Variants in PARM1 observed in about 807,000 individuals in gnomAD.
PARM1 encodes prostate androgen-regulated mucin-like protein 1, also known as WSC4, cell wall integrity and stress response component 4 homolog.
PARM1 carries 14 observed loss-of-function variants against 24.6 expected under a neutral mutation model. The observed-to-expected ratio is 0.57, with a 90% CI of 0.38 to 0.89. The LOEUF (loss-of-function observed/expected upper bound fraction) is 0.89, where lower values mean the gene tolerates loss of function less well. Ranked by LOEUF, PARM1 falls within the 40% of genes least tolerant of loss-of-function variation. PARM1 has a pLI of 0.00. For synonymous variants in PARM1, 179 were observed against 156.6 expected (o/e 1.14, Z -1.07); for missense variants, 362 against 380.4 (o/e 0.95, Z 0.40).
intron 3 of PARM1, among the ~76,000 whole-genome samples, chr4:75,039,285 A>G (rs1723431500): frequency 6.6e-6 from 1 of 152,122 alleles, no homozygotes; most frequent in Non-Finnish European, 1.5e-5. Context: ...TAATCCCAGC[A>G]ATTTGGGAGG....
chr4:74,997,335 C>T (rs1259168916), intron 1 of PARM1, among the ~76,000 whole-genome samples: 1 of 152,190 alleles, frequency 6.6e-6, no homozygotes, highest in African/African-American at 2.4e-5. Context: ...AAAAAGTTCT[C>T]TCTCTCTGAT....
chr4:75,014,137 C>A (rs1340856463), intron 2 of PARM1, among the ~76,000 whole-genome samples: 3 of 152,116 alleles, frequency 2.0e-5, no homozygotes, highest in African/African-American at 7.2e-5. Flanking sequence ...AAGGAATGGC[C>A]ATCACTGAGG....
Position 75,009,651 on chromosome 4 carries a change from A to G in PARM1, c.44-2774A>G, listed in dbSNP as rs369793378. Among the ~76,000 whole-genome samples the G allele has an allele frequency of 2.9e-4, 44 of 152,320 alleles. 1 individual carries two copies. The highest frequency in any genetic ancestry group is 8.7e-4 in the African/African-American group (36 of 41,576). On this transcript the variant is annotated intron_variant, in intron 1 of 3. Transcript: ENST00000307428. Reference sequence around the variant, plus strand: ...GGAAGCCATGATGGATGTGGCCATAACTAAAGTGACATGTGGAAAAGAGTG... The same window carrying G: ...GGAAGCCATGATGGATGTGGCCATAGCTAAAGTGACATGTGGAAAAGAGTG...
intron 2 of PARM1, among the ~76,000 whole-genome samples, chr4:75,022,477 A>C (rs1172416987): frequency 1.3e-5 from 2 of 152,188 alleles, no homozygotes; most frequent in Non-Finnish European, 2.9e-5. Context: ...GCTATTTACT[A>C]TCTATTTAGT....
chr4:75,009,045 G>T (rs1430824915), intron 1 of PARM1, among the ~76,000 whole-genome samples: 1 of 151,692 alleles, frequency 6.6e-6, no homozygotes, highest in Non-Finnish European at 1.5e-5. Context: ...CCCAACTGTT[G>T]TTTTGTCCAT....
chr4:74,966,495 T>A (rs1013667218), intron 1 of PARM1, among the ~76,000 whole-genome samples: 3 of 151,910 alleles, frequency 2.0e-5, no homozygotes, highest in Non-Finnish European at 2.9e-5. Flanking sequence ...ACATCAAAAG[T>A]GTGTGGTCAG....
At chr4:74,973,143 C>G (rs1430348977) in intron 1 of PARM1, among the ~76,000 whole-genome samples, 1 of 152,128 alleles carries the variant, frequency 6.6e-6, no homozygotes, top group African/African-American at 2.4e-5. Context: ...TCCACACTGC[C>G]TTTAGGACCC....
At chr4:74,940,716 T>A (rs1480377354) in intron 1 of PARM1, among the ~76,000 whole-genome samples, 1 of 152,238 alleles carries the variant, frequency 6.6e-6, no homozygotes, top group Non-Finnish European at 1.5e-5. Flanking sequence ...ATTTGATTGG[T>A]CCATACTGTA....
Position 75,012,553 on chromosome 4 carries a change from A to G in PARM1, c.172A>G (p.Asn58Asp). Residue 58 changes from asparagine to aspartate, a missense_variant, in exon 2 of 4, where the codon AAC becomes GAC. Coordinates refer to ENST00000307428, the MANE Select transcript of PARM1 (RefSeq NM_015393.4). ...NTDADTASPS[N>D]GTHNNSVLPV... ...TGATGCAGACACTGCCTCCCCATCC[A>G]ACGGCACTCACAACAACTCGGTGCT... is the stretch of plus-strand genomic sequence containing the variant. 2.5e-6 allele frequency: 4 copies of G among 1,613,890 alleles called. No homozygotes were observed. The highest frequency in any genetic ancestry group is 1.7e-5 in the Admixed American group (1 of 60,010).
At chr4:74,938,522 G>A (rs1044705196) in intron 1 of PARM1, among the ~76,000 whole-genome samples, 1 of 152,188 alleles carries the variant, frequency 6.6e-6, no homozygotes, top group African/African-American at 2.4e-5. Context: ...TCTGAGAAGA[G>A]GTGGGTAGAT....
At chr4:74,987,967 G>A (rs921730060) in intron 1 of PARM1, among the ~76,000 whole-genome samples, 6 of 152,212 alleles carry the variant, frequency 3.9e-5, no homozygotes, top group African/African-American at 1.4e-4. Context: ...TGTGTGTCAT[G>A]TGAGGCCCTG....
At chr4:74,985,174 T>A (rs1202538151) in intron 1 of PARM1, among the ~76,000 whole-genome samples, 1 of 152,220 alleles carries the variant, frequency 6.6e-6, no homozygotes, top group South Asian at 2.1e-4. Flanking sequence ...GTGGCAGCTA[T>A]GCGGGCAGTT....
chr4:74,955,808 A>T (rs1721619176), intron 1 of PARM1, among the ~76,000 whole-genome samples: 1 of 152,232 alleles, frequency 6.6e-6, no homozygotes, highest in Non-Finnish European at 1.5e-5. Flanking sequence ...GAAGTCAGTT[A>T]TAGATGTTTT....
chr4:74,992,728 A>G (rs533907266), intron 1 of PARM1, among the ~76,000 whole-genome samples: 1 of 152,316 alleles, frequency 6.6e-6, no homozygotes, highest in South Asian at 2.1e-4. Context: ...CAAACATTCA[A>G]TTTAGAATTC....
At chr4:75,024,315 G>A (rs563227823) in intron 2 of PARM1, among the ~76,000 whole-genome samples, 1 of 152,180 alleles carries the variant, frequency 6.6e-6, no homozygotes, top group East Asian at 1.9e-4. Flanking sequence ...CATGGAGTAA[G>A]GCTAAATTTA....
intron 1 of PARM1, among the ~76,000 whole-genome samples, chr4:74,993,621 CTT>C (rs1722519650): frequency 6.6e-6 from 1 of 152,092 alleles, no homozygotes; most frequent in African/African-American, 2.4e-5. Flanking sequence ...TTTTACATGT[CTT>C]TAAAAGATAA....
At chr4:74,936,762 A>T (rs1038762308) in intron 1 of PARM1, among the ~76,000 whole-genome samples, 1 of 151,954 alleles carries the variant, frequency 6.6e-6, no homozygotes, top group Non-Finnish European at 1.5e-5. Context: ...GGCACGTTCA[A>T]GTTTTTTATG....
chr4:74,962,412 A>G (rs1485094542), intron 1 of PARM1, among the ~76,000 whole-genome samples: 21 of 152,206 alleles, frequency 1.4e-4, no homozygotes, highest in Admixed American at 1.4e-3. Context: ...GCTATAAGGA[A>G]TATAGAATAG....
At chr4:74,948,342 T>TC (rs1287826209) in intron 1 of PARM1, among the ~76,000 whole-genome samples, 2 of 152,162 alleles carry the variant, frequency 1.3e-5, no homozygotes, top group African/African-American at 4.8e-5. Context: ...TAAACGTTAG[T>TC]CCCCTGACTT....
Sources: gnomAD v4.1 joint callset for allele counts (sites outside exome capture counted in the v4.1 genomes callset) on GRCh38, gnomAD v4.1.1 for gene constraint, MANE v1.5 for transcripts, NCBI Gene and HGNC (gene_info 2026-07-23, HGNC 2026-07-21) for gene names.